Variants in RFX6 observed in about 807,000 individuals in gnomAD.
RFX6 encodes DNA-binding protein RFX6.
A neutral mutation model predicts 110.8 loss-of-function variants in RFX6; 50 were observed. That is an observed-to-expected ratio of 0.45 (90% CI 0.36 to 0.57). RFX6 has a LOEUF of 0.57. RFX6 is among the 20% of genes least tolerant of loss of function. RFX6 has a pLI of 0.00. For synonymous variants in RFX6, 383 were observed against 411.2 expected (o/e 0.93, Z 0.83); for missense variants, 990 against 1,127.0 (o/e 0.88, Z 1.74).
chr6:116,920,377 A>T lies in RFX6; in HGVS notation c.1250A>T (p.Asp417Val). The T allele has an allele frequency of 6.2e-7, 1 of 1,612,466 alleles. No individual in the cohort carries two copies. The highest frequency in any genetic ancestry group is 8.5e-7 in the Non-Finnish European group (1 of 1,178,524). Residue 417 changes from aspartate to valine, a missense_variant, in exon 12 of 19, where the codon GAT becomes GTT. Coordinates refer to ENST00000332958, the MANE Select transcript of RFX6 (RefSeq NM_173560.4). ...NSMVSDIERVDLNSIGSQALL... is the reference protein window; with the variant it reads ...NSMVSDIERVVLNSIGSQALL... ...ATGGTGTCTGATATTGAAAGGGTTG[A>T]TTTGAACAGCATTGGCTCTCAAGCC...
At chr6:116,910,908 A>G (rs767641227) in intron 6 of RFX6, 27 bp from the exon 7 acceptor site, 1 of 1,414,194 alleles carries the variant, frequency 7.1e-7, no homozygotes, top group Non-Finnish European at 1.0e-6. Context: ...ATAATGATGT[A>G]TTTGTTTTCA....
At chr6:116,915,439 G>T (rs1241157369) in intron 7 of RFX6, among the ~76,000 whole-genome samples, 1 of 152,056 alleles carries the variant, frequency 6.6e-6, no homozygotes, top group East Asian at 1.9e-4. Context: ...TACTTAAAAA[G>T]CTTGGGAGCT....
chr6:116,918,259 C>G (rs2114695175), intron 10 of RFX6, 173 bp downstream of exon 10: 1 of 580,892 alleles, frequency 1.7e-6, no homozygotes, highest in South Asian at 2.2e-5. Flanking sequence ...CCTCAATAAA[C>G]AAAATGGGTG....
intron 6 of RFX6, among the ~76,000 whole-genome samples, chr6:116,899,657 C>A (rs1775024613): frequency 6.6e-6 from 1 of 151,650 alleles, no homozygotes; most frequent in Non-Finnish European, 1.5e-5. Context: ...GACCATTTTG[C>A]AAAAAAATTT....
chr6:116,882,218 ATGTG>A (rs1774604787), intron 3 of RFX6, 145 bp from the exon 4 acceptor site: 1 of 680,976 alleles, frequency 1.5e-6, no homozygotes. Flanking sequence ...GCTTATCAAT[ATGTG>A]TAAGTTATTA....
At chr6:116,901,359 A>C (rs1775071070) in intron 6 of RFX6, among the ~76,000 whole-genome samples, 1 of 48,404 alleles carries the variant, frequency 2.1e-5, no homozygotes. Flanking sequence ...TAAGTAAAGT[A>C]AAAAATGCTC....
chr6:116,883,053 C>T (rs1774624855), intron 4 of RFX6, among the ~76,000 whole-genome samples: 2 of 152,130 alleles, frequency 1.3e-5, no homozygotes, highest in Admixed American at 1.3e-4. Flanking sequence ...TTTTCAGTTT[C>T]TCCTTTCCTT....
At chr6:116,896,074 T>C (rs2114674538) in intron 6 of RFX6, among the ~76,000 whole-genome samples, 1 of 152,320 alleles carries the variant, frequency 6.6e-6, no homozygotes, top group East Asian at 1.9e-4. Context: ...CTTTATTAGA[T>C]AAACAATTGT....
intron 7 of RFX6, among the ~76,000 whole-genome samples, chr6:116,912,745 G>A (rs1023972284): frequency 6.6e-6 from 1 of 152,094 alleles, no homozygotes; most frequent in Admixed American, 6.6e-5. Context: ...AGAAAGGAGA[G>A]GTGAGAAACA....
At chr6:116,900,280 G>C (rs919115102) in intron 6 of RFX6, among the ~76,000 whole-genome samples, 1 of 151,836 alleles carries the variant, frequency 6.6e-6, no homozygotes, top group African/African-American at 2.4e-5. Context: ...TTTTGAGATG[G>C]AGTCTTGCTC....
intron 6 of RFX6, among the ~76,000 whole-genome samples, chr6:116,904,166 G>C (rs1374874078): frequency 6.6e-6 from 1 of 151,270 alleles, no homozygotes; most frequent in Non-Finnish European, 1.5e-5. Context: ...TATATTTTTG[G>C]ATTTTTATTG....
rs73563484 is a variant in RFX6 at position 116,922,288 on chromosome 6, G to A, written c.1437+137G>A. 1,368 of 673,244 alleles carry A rather than the reference G, an allele frequency of 2.0e-3. 12 individuals carry two copies. The African/African-American group carries it at 0.022, about 11-fold the overall frequency. The allele number at this position is 673,244 out of a possible 1,614,324, so 41.7% of individuals were successfully genotyped here. On this transcript the variant is annotated intron_variant, in intron 13 of 18. Transcript: ENST00000332958. ...CTTTGAAAAGCTTTTGATGCTCTAC[G>A]AATAAGGCAGGCCAAATACTGAAAT...
At chr6:116,928,684 A>T in intron 17 of RFX6, 75 bp from the exon 18 acceptor site, 1 of 958,728 alleles carries the variant, frequency 1.0e-6, no homozygotes, top group Non-Finnish European at 1.7e-6. Flanking sequence ...TCACCTCATT[A>T]CTTTGTCACT....
intron 1 of RFX6, 117 bp downstream of exon 1, chr6:116,877,615 C>A: frequency 9.3e-7 from 1 of 1,078,652 alleles, no homozygotes; most frequent in Non-Finnish European, 1.3e-6. Context: ...ATGTTCTGTC[C>A]AAATCTTTGT....
intron 6 of RFX6, among the ~76,000 whole-genome samples, chr6:116,904,999 CTTT>C (rs1255832281): frequency 6.6e-6 from 1 of 152,194 alleles, no homozygotes; most frequent in East Asian, 1.9e-4. Context: ...ACAAATATCT[CTTT>C]GAGATCCTGC....
chr6:116,917,979 G>A (rs1172644334), intron 9 of RFX6, 58 bp from the exon 10 acceptor site: 6 of 1,216,258 alleles, frequency 4.9e-6, no homozygotes, highest in East Asian at 2.3e-5. Context: ...CCAATAATAT[G>A]TCTTTCTATA....
chr6:116,896,640 G>A (rs1047482545), intron 6 of RFX6, among the ~76,000 whole-genome samples: 1 of 152,048 alleles, frequency 6.6e-6, no homozygotes, highest in Admixed American at 6.5e-5. Flanking sequence ...CTAGAGGCTC[G>A]GAGGTTGCAG....
In RFX6 at chr6:116,908,859, G is replaced by A. The variant is rs551818408; in HGVS notation, c.673-2076G>A. On this transcript the variant is annotated intron_variant, in intron 6 of 18. Transcript: ENST00000332958. ...GATGAATTTAAACCTGAGTATGATT[G>A]TACTTATATACTACTGAATTTTGTT... Among the ~76,000 whole-genome samples the A allele has an allele frequency of 6.6e-5, 10 of 152,088 alleles. No homozygotes were observed. In the South Asian group the frequency reaches 2.1e-3, roughly 32 times the overall value.
chr6:116,922,270 A>G, intron 13 of RFX6, 119 bp downstream of exon 13: 1 of 704,798 alleles, frequency 1.4e-6, no homozygotes, highest in South Asian at 1.5e-5. Flanking sequence ...AGGCTTTGAA[A>G]AGCTTTTGAT....
Sources: allele counts gnomAD v4.1 joint callset (sites outside exome capture counted in the v4.1 genomes callset), GRCh38; gene constraint gnomAD v4.1.1; transcripts MANE v1.5; gene names NCBI Gene and HGNC (gene_info 2026-07-23, HGNC 2026-07-21).